The following CELF2 variants were observed in gnomAD, a reference collection of about 807,000 sequenced individuals.
CELF2 encodes the protein CUGBP Elav-like family member 2, also known as CUG triplet repeat RNA-binding protein 2.
A neutral mutation model predicts 62.6 loss-of-function variants in CELF2; 8 were observed. The ratio of observed to expected loss-of-function variants is 0.13; its 90% CI spans 0.07 to 0.23. The LOEUF is 0.23. Among genes scored for constraint, CELF2 ranks in the 10% least tolerant of loss-of-function variants. The probability of loss-of-function intolerance (pLI) is 1.00; values close to 1 mark genes in which losing one functional copy is unlikely to be tolerated. For synonymous variants in CELF2, 258 were observed against 250.0 expected (o/e 1.03, Z -0.30); for missense variants, 333 against 671.0 (o/e 0.50, Z 5.56).
chr10:11,313,211 T>G (rs1241608795), intron 9 of CELF2, among the ~76,000 whole-genome samples: 1 of 152,224 alleles, frequency 6.6e-6, no homozygotes. Flanking sequence ...CAAAAAGGTT[T>G]ATTTCACCAG....
chr10:10,580,477 C>T, the CELF2 span, among the ~76,000 whole-genome samples: 2 of 152,116 alleles, frequency 1.3e-5, no homozygotes, highest in African/African-American at 4.8e-5. Context: ...CCTGTTCGCA[C>T]CCTTAAATGT....
At chr10:11,265,565 T>A (rs1423676787) in intron 5 of CELF2, among the ~76,000 whole-genome samples, 2 of 152,252 alleles carry the variant, frequency 1.3e-5, no homozygotes, top group Admixed American at 1.3e-4. Flanking sequence ...TCTGCATTAA[T>A]TTCACAGTCT....
the CELF2 span, among the ~76,000 whole-genome samples, chr10:10,680,332 T>A: frequency 6.6e-6 from 1 of 152,184 alleles, no homozygotes; most frequent in Non-Finnish European, 1.5e-5. Context: ...CGAAACTCAC[T>A]AAAGTGCTCA....
upstream of CELF2, among the ~76,000 whole-genome samples, chr10:11,003,821 T>C (rs998747548): frequency 3.3e-5 from 5 of 152,174 alleles, no homozygotes; most frequent in Non-Finnish European, 5.9e-5. The surrounding 1 kb of genome is among the most constrained non-coding windows in gnomAD (Gnocchi z 4.4). Context: ...AACTTTCATA[T>C]GTTAGAATGA....
intron 2 of CELF2, among the ~76,000 whole-genome samples, chr10:10,986,845 A>C (rs2052817812): frequency 6.6e-6 from 1 of 152,200 alleles, no homozygotes; most frequent in Non-Finnish European, 1.5e-5. Context: ...CGTTCTTACC[A>C]CCAAATATAA....
At chr10:11,163,769 G>A (rs138812856) in intron 1 of CELF2, among the ~76,000 whole-genome samples, 9 of 152,302 alleles carry the variant, frequency 5.9e-5, no homozygotes, top group East Asian at 1.9e-4. Flanking sequence ...AGGACCTAGC[G>A]AAGAGTATTT....
intron 1 of CELF2, among the ~76,000 whole-genome samples, chr10:10,866,392 G>T (rs1334201762): frequency 6.6e-6 from 1 of 151,242 alleles, no homozygotes; most frequent in Non-Finnish European, 1.5e-5. Flanking sequence ...GATGACTTGA[G>T]GCCAGGAGTT....
intron 1 of CELF2, among the ~76,000 whole-genome samples, chr10:11,040,892 G>A (rs1256044811): frequency 6.6e-6 from 1 of 152,122 alleles, no homozygotes; most frequent in African/African-American, 2.4e-5. Context: ...CCATCTCTGT[G>A]ATAGGTTGTT....
At chr10:10,901,781 A>T (rs558046479) in intron 1 of CELF2, among the ~76,000 whole-genome samples, 5 of 152,224 alleles carry the variant, frequency 3.3e-5, no homozygotes, top group Non-Finnish European at 7.3e-5. Flanking sequence ...TTGTGTCCAG[A>T]ACATATTAGG....
intron 3 of CELF2, among the ~76,000 whole-genome samples, chr10:11,229,132 A>G (rs1021903783): frequency 2.6e-5 from 4 of 152,332 alleles, no homozygotes; most frequent in African/African-American, 9.6e-5. Context: ...TGCTGGGGTG[A>G]GTACAGATCA....
At position 11,150,519 on chromosome 10, in the gene CELF2, C is replaced by G. The variant is rs537672106; in HGVS notation, c.75-14967C>G. Reference sequence around the variant, plus strand: ...AAGAACAAACATACAAACCTAAAATCTAAAAGATACTTTTGACACCATTCA... The same window carrying G: ...AAGAACAAACATACAAACCTAAAATGTAAAAGATACTTTTGACACCATTCA... On this transcript the variant is annotated intron_variant, in intron 1 of 12. Coordinates refer to ENST00000633077, the MANE Select transcript of CELF2 (RefSeq NM_001326342.2). 4.3e-4 allele frequency among the ~76,000 whole-genome samples: 66 copies of G among 152,304 alleles called. No individual in the cohort carries two copies. In the South Asian group the frequency reaches 7.7e-3, roughly 18 times the overall value.
chr10:10,731,056 G>C, the CELF2 span, among the ~76,000 whole-genome samples: 2 of 152,062 alleles, frequency 1.3e-5, no homozygotes, highest in African/African-American at 4.8e-5. Flanking sequence ...AATGCCACAT[G>C]GTATACCCAA....
exon 1 of CELF2, chr10:10,798,673 G>T (rs925948416): frequency 1.0e-5 from 4 of 398,576 alleles, no homozygotes; most frequent in African/African-American, 6.2e-5. Context: ...GGGCGCCAGG[G>T]CCCGGCCTGG....
intron 2 of CELF2, among the ~76,000 whole-genome samples, chr10:11,212,479 G>A (rs928098565): frequency 6.6e-6 from 1 of 152,248 alleles, no homozygotes; most frequent in Non-Finnish European, 1.5e-5. Flanking sequence ...TTAGTGGCCA[G>A]TAAGATCTGG....
the CELF2 span, among the ~76,000 whole-genome samples, chr10:10,760,221 T>C: frequency 6.6e-6 from 1 of 152,130 alleles, no homozygotes; most frequent in African/African-American, 2.4e-5. Context: ...TTTTTACCAC[T>C]GTTGTCTTGA....
the CELF2 span, among the ~76,000 whole-genome samples, chr10:10,676,536 G>A: frequency 6.6e-6 from 1 of 152,202 alleles, no homozygotes; most frequent in African/African-American, 2.4e-5. Context: ...TGAGGATCTG[G>A]TCAAGCTCCT....
chr10:10,648,222 T>C, the CELF2 span, among the ~76,000 whole-genome samples: 1 of 152,194 alleles, frequency 6.6e-6, no homozygotes, highest in Non-Finnish European at 1.5e-5. Context: ...AGCTCTTGGA[T>C]GTGGTCTCTT....
At chr10:11,085,880 C>G (rs2046571903) in intron 1 of CELF2, among the ~76,000 whole-genome samples, 1 of 152,140 alleles carries the variant, frequency 6.6e-6, no homozygotes, top group Non-Finnish European at 1.5e-5. Flanking sequence ...CTGGATGAAT[C>G]CAGACCTTCA....
chr10:11,107,092 G>T lies in CELF2; in HGVS notation c.75-58394G>T, dbSNP rs148981490. ...ACTTAACATGTTTTGTACTAAGGGA[G>T]CTGCGTGGATACCGGTTTCCTCAGC... On this transcript the variant is annotated intron_variant, in intron 1 of 12. Transcript: ENST00000633077. 1.3e-4 allele frequency among the ~76,000 whole-genome samples: 20 copies of T among 152,346 alleles called. No individual in the cohort carries two copies. The East Asian group carries it at 3.9e-3, about 29-fold the overall frequency.
Sources: gnomAD v4.1 joint callset for allele counts (sites outside exome capture counted in the v4.1 genomes callset) on GRCh38, gnomAD v4.1.1 for gene constraint, Gnocchi (gnomAD v3.1) non-coding constraint, MANE v1.5 for transcripts, NCBI Gene and HGNC (gene_info 2026-07-23, HGNC 2026-07-21) for gene names.